SAAL1: variants seen among roughly 807,000 people sequenced by gnomAD.
The protein encoded by SAAL1 is protein SAAL1.
SAAL1 carries 42 observed loss-of-function variants against 59.8 expected under a neutral mutation model. The observed-to-expected ratio is 0.70, with a 90% CI of 0.55 to 0.91. The LOEUF (loss-of-function observed/expected upper bound fraction) is 0.91. Ranked by LOEUF, SAAL1 falls within the 40% of genes least tolerant of loss-of-function variation. The pLI is 0.00. For synonymous variants in SAAL1, 191 were observed against 194.3 expected, an observed-to-expected ratio of 0.98 and a Z score of 0.14; for missense variants, 542 against 561.1, an observed-to-expected ratio of 0.97 and a Z score of 0.34.
chr11:18,083,717 T>G lies in SAAL1; in HGVS notation c.1057A>C (p.Ile353Leu). The stretch of plus-strand genomic sequence containing the variant: ...TGTAAGACCCGAATGAGGCTGTCAA[T>G]TAGAGGAAGATCTACTGTATAAACA... The part of the protein sequence containing the change: ...LKIEKVDLPL[I>L]DSLIRVLQNM... The change falls in exon 10 of 12, where the codon ATT becomes CTT. Residue 353 changes from isoleucine (I) to leucine (L), a missense_variant. Transcript: ENST00000524803. 1 of 1,606,468 alleles carries G rather than the reference T, an allele frequency of 6.2e-7. No individual in the cohort carries two copies. Among genetic ancestry groups the G allele is most frequent in the Non-Finnish European group, 8.5e-7 (1 of 1,176,690 alleles).
chr11:18,088,167 C>A (rs539305313), intron 7 of SAAL1, among the ~76,000 whole-genome samples: 1 of 152,184 alleles, frequency 6.6e-6, no homozygotes, highest in Non-Finnish European at 1.5e-5. Context: ...ACGCAGAGTA[C>A]AAGGAATAAG....
At chr11:18,105,385 G>A (rs556461095) in intron 1 of SAAL1, among the ~76,000 whole-genome samples, 1 of 149,696 alleles carries the variant, frequency 6.7e-6, no homozygotes, top group Non-Finnish European at 1.5e-5. Context: ...TGTTGCCCAG[G>A]CTGGTCTCAA....
chr11:18,105,934 G>A lies in SAAL1; in HGVS notation c.108C>T (p.Leu36=), dbSNP rs1281220213. 5 of 1,605,936 alleles carry A rather than the reference G, an allele frequency of 3.1e-6. No homozygotes were observed. The highest frequency in any genetic ancestry group is 1.6e-4 in the Middle Eastern group (1 of 6,074). ...GGATGAGTCCGCTGAGGACGCCGAAGAGCCAGTGTTTGCTGTAGACCGTGC... is the reference window on the plus strand; with the variant it reads ...GGATGAGTCCGCTGAGGACGCCGAAAAGCCAGTGTTTGCTGTAGACCGTGC... ...IGSTVYSKHW[L]FGVLSGLIQI... is the part of the protein sequence containing the mutation. Residue 36 remains leucine (L), a synonymous_variant, in exon 1 of 12, where the codon CTC becomes CTT. Coordinates refer to ENST00000524803, the MANE Select transcript of SAAL1 (RefSeq NM_138421.3).
At chr11:18,097,698 G>C (rs1848591837) in intron 2 of SAAL1, among the ~76,000 whole-genome samples, 1 of 152,056 alleles carries the variant, frequency 6.6e-6, no homozygotes, top group Non-Finnish European at 1.5e-5. Flanking sequence ...AATTAGCCAG[G>C]TGTGGTGGCA....
Position 18,080,408 on chromosome 11 carries a change from A to C in SAAL1, c.1416T>G (p.Val472=). The C allele has an allele frequency of 6.3e-7, 1 of 1,588,606 alleles. No homozygotes were observed. Among genetic ancestry groups the C allele is most frequent in the African/African-American group, 1.4e-5 (1 of 73,392 alleles). The change falls in exon 12 of 12, where the codon GTT becomes GTG. Residue 472 remains valine, a synonymous_variant. Coordinates refer to ENST00000524803, the MANE Select transcript of SAAL1 (RefSeq NM_138421.3). The part of the protein sequence containing the change: ...DLEKNFPSLK[V]QT ...AATTCCAATTCAGGTTTTAAGTCTG[A>C]ACCTTCAAACTTGGGAAGTTTTTTT...
At chr11:18,103,002 T>A (rs535048789) in intron 2 of SAAL1, among the ~76,000 whole-genome samples, 34 of 152,306 alleles carry the variant, frequency 2.2e-4, no homozygotes, top group African/African-American at 7.2e-4. Flanking sequence ...AATACATTCA[T>A]AAGAGCTACG....
rs918433158 is a variant in SAAL1, at chr11:18,087,231, T to C, written c.771-6A>G. 2 of 1,591,364 alleles carry C rather than the reference T, an allele frequency of 1.3e-6. No homozygotes were observed. The highest frequency in any genetic ancestry group is 1.3e-5 in the African/African-American group (1 of 74,460). On this transcript the variant is annotated splice_region_variant and splice_polypyrimidine_tract_variant and intron_variant, in intron 7 of 11. Coordinates refer to ENST00000524803, the MANE Select transcript of SAAL1 (RefSeq NM_138421.3). ...GCCATTCTGGATTTTCAGAACTAAA[T>C]AGGAAAAGTAAAAGCACTGAATCAA... is the stretch of plus-strand genomic sequence containing the variant.
chr11:18,086,516 C>T (rs948126244), intron 9 of SAAL1, among the ~76,000 whole-genome samples: 94 of 152,050 alleles, frequency 6.2e-4, no homozygotes, highest in African/African-American at 2.2e-3. Flanking sequence ...CTGGCCAACA[C>T]GGTAAAAACC....
intron 2 of SAAL1, among the ~76,000 whole-genome samples, chr11:18,100,842 A>G (rs954490533): frequency 2.0e-5 from 3 of 152,232 alleles, no homozygotes; most frequent in Non-Finnish European, 4.4e-5. Context: ...CCATCCTTGC[A>G]CCATATACTA....
At chr11:18,100,581 G>T (rs529457267) in intron 2 of SAAL1, among the ~76,000 whole-genome samples, 1 of 152,080 alleles carries the variant, frequency 6.6e-6, no homozygotes, top group Non-Finnish European at 1.5e-5. Context: ...AATACAGAGC[G>T]AGACTCTGTC....
chr11:18,103,496 G>C (rs1848656089), intron 1 of SAAL1, 150 bp from the exon 2 acceptor site: 2 of 659,594 alleles, frequency 3.0e-6, no homozygotes, highest in Non-Finnish European at 5.4e-6. Flanking sequence ...TCTGTGTGGA[G>C]TTTGCATGTT....
chr11:18,091,692 C>G (rs1211134811), intron 4 of SAAL1, among the ~76,000 whole-genome samples: 1 of 152,162 alleles, frequency 6.6e-6, no homozygotes, highest in Non-Finnish European at 1.5e-5. Context: ...GGGTGTTCTC[C>G]GAACACAGTA....
chr11:18,089,870 C>T (rs547196229), intron 6 of SAAL1, among the ~76,000 whole-genome samples: 49 of 152,200 alleles, frequency 3.2e-4, no homozygotes, highest in Admixed American at 1.7e-3. Flanking sequence ...GGCAAGAAAG[C>T]GAGACCCCGT....
intron 2 of SAAL1, among the ~76,000 whole-genome samples, chr11:18,100,888 A>T (rs61882529): frequency 0.41 from 63,045 of 152,060 alleles, 13,712 homozygotes; most frequent in African/African-American, 0.52. Flanking sequence ...ACAGACTTAT[A>T]TGTAAAACCT....
At chr11:18,083,764 C>G (rs746624114) in intron 9 of SAAL1, 33 bp from the exon 10 acceptor site, 1 of 1,467,706 alleles carries the variant, frequency 6.8e-7, no homozygotes, top group Non-Finnish European at 9.2e-7. Flanking sequence ...ATGGAATTGG[C>G]CAGTTAAGTT....
intron 2 of SAAL1, among the ~76,000 whole-genome samples, chr11:18,097,134 G>A (rs1255263418): frequency 2.0e-5 from 3 of 152,094 alleles, no homozygotes; most frequent in South Asian, 2.1e-4. Flanking sequence ...CTACTCAGGA[G>A]GCTGAGGCAG....
chr11:18,091,080 C>T (rs1803498012), intron 4 of SAAL1: 1 of 151,848 alleles, frequency 6.6e-6, no homozygotes, highest in Non-Finnish European at 1.5e-5. Flanking sequence ...TTCCAGACTA[C>T]TGTTGATGGA....
rs570149088 is a variant in SAAL1, at chr11:18,082,658, G to T, written c.1239+877C>A. Among the ~76,000 whole-genome samples, 11 of 152,208 alleles carry T rather than the reference G, an allele frequency of 7.2e-5. No individual in the cohort carries two copies. The East Asian group carries it at 2.1e-3, about 29-fold the overall frequency. ...GTTTCATTTTGTTTTTTGAGATAGG[G>T]TCTCACTCTGTCGCTCAGGTTGGAG... On this transcript the variant is annotated intron_variant, in intron 10 of 11. Transcript: ENST00000524803.
chr11:18,090,558 T>C, intron 4 of SAAL1, 65 bp from the exon 5 acceptor site: 1 of 1,541,816 alleles, frequency 6.5e-7, no homozygotes, highest in Non-Finnish European at 8.7e-7. Flanking sequence ...AGAGTTTTCA[T>C]TTAATTTTTT....
Sources: allele counts gnomAD v4.1 joint callset (sites outside exome capture counted in the v4.1 genomes callset), GRCh38; gene constraint gnomAD v4.1.1; transcripts MANE v1.5; gene names NCBI Gene and HGNC (gene_info 2026-07-23, HGNC 2026-07-21).